Variants in LRP2 observed in about 807,000 individuals in gnomAD.
LRP2 encodes the protein low-density lipoprotein receptor-related protein 2.
In LRP2, 172 loss-of-function variants were observed where a neutral mutation model predicts 531.0. The ratio of observed to expected loss-of-function variants is 0.32; its 90% CI spans 0.29 to 0.37. LRP2 has a LOEUF of 0.37. LRP2 is among the 10% of genes least tolerant of loss of function. The pLI, the probability that LRP2 is intolerant of heterozygous loss-of-function variation, is 1.00. For synonymous variants in LRP2, 1,992 were observed against 2,027.6 expected (o/e 0.98, Z 0.47); for missense variants, 5,167 against 5,868.3 (o/e 0.88, Z 3.90).
At chr2:169,302,216 A>G (rs1478683120) in intron 4 of LRP2, among the ~76,000 whole-genome samples, 3 of 152,128 alleles carry the variant, frequency 2.0e-5, no homozygotes, top group African/African-American at 7.2e-5. Flanking sequence ...AGCAACTAAT[A>G]ACAGCTGTTA....
At chr2:169,214,798 T>C (rs1021376022) in intron 35 of LRP2, among the ~76,000 whole-genome samples, 1 of 152,132 alleles carries the variant, frequency 6.6e-6, no homozygotes. Flanking sequence ...GAAGAAAACA[T>C]GTCTCCAACA....
chr2:169,218,729 G>T (rs954327642), intron 34 of LRP2, among the ~76,000 whole-genome samples: 2 of 152,046 alleles, frequency 1.3e-5, no homozygotes, highest in East Asian at 1.9e-4. Flanking sequence ...CAGAAGTGGC[G>T]TGCACTACTT....
intron 1 of LRP2, among the ~76,000 whole-genome samples, chr2:169,323,887 A>G (rs1422424171): frequency 2.0e-5 from 3 of 151,854 alleles, no homozygotes; most frequent in Non-Finnish European, 4.4e-5. Context: ...GTAAAAACCA[A>G]GGAGGAAAGG....
intron 45 of LRP2, 61 bp downstream of exon 45, chr2:169,198,725 G>T (rs1688085993): frequency 3.8e-6 from 6 of 1,592,596 alleles, no homozygotes; most frequent in Non-Finnish European, 4.3e-6. Flanking sequence ...TCATATCTTT[G>T]TATTAGCTCA....
At chr2:169,154,697 T>C in intron 65 of LRP2, 94 bp from the exon 66 acceptor site, 2 of 1,117,774 alleles carry the variant, frequency 1.8e-6, no homozygotes, top group Non-Finnish European at 1.4e-6. Context: ...TGTCCCCTTT[T>C]TAAAGAACAT....
At chr2:169,339,973 G>A (rs1195696623) in intron 1 of LRP2, among the ~76,000 whole-genome samples, 1 of 152,006 alleles carries the variant, frequency 6.6e-6, no homozygotes, top group African/African-American at 2.4e-5. Flanking sequence ...CATCTATATG[G>A]TATGCATCTG....
chr2:169,158,059 TATAC>T (rs993577085), intron 63 of LRP2, among the ~76,000 whole-genome samples: 12 of 82,578 alleles, frequency 1.5e-4, no homozygotes, highest in East Asian at 5.2e-4. Context: ...CAATTGATTA[TATAC>T]ACACACACAC....
intron 44 of LRP2, 97 bp from the exon 45 acceptor site, chr2:169,199,008 C>CACT: frequency 1.5e-6 from 2 of 1,310,722 alleles, no homozygotes; most frequent in Admixed American, 1.9e-5. Flanking sequence ...GAACTCAAAC[C>CACT]ACTGGAAGGG....
At position 169,174,037 on chromosome 2, in the gene LRP2, G is replaced by A; in HGVS notation, c.10896C>T (p.Ser3632=). Residue 3632 remains serine, a synonymous_variant, in exon 56 of 79, where the codon AGC becomes AGT. Coordinates refer to ENST00000649046, the MANE Select transcript of LRP2 (RefSeq NM_004525.3). The part of the protein sequence containing the change: ...NSDEDSSHCA[S]RTCRPGQFRC... ...GAAACTGGCCCGGCCGGCAGGTCCT[G>A]CTGGCACAGTGGGAACTGTCTTCAT... The A allele has an allele frequency of 3.1e-6, 5 of 1,614,230 alleles. No homozygotes were observed. The highest frequency in any genetic ancestry group is 3.4e-6 in the Non-Finnish European group (4 of 1,180,046).
intron 56 of LRP2, 108 bp downstream of exon 56, chr2:169,173,811 C>T: frequency 6.8e-7 from 1 of 1,473,530 alleles, no homozygotes. Flanking sequence ...CAAGGGGGAG[C>T]ATCCCATCAG....
At chr2:169,132,967 A>T (rs1685348530) in intron 76 of LRP2, among the ~76,000 whole-genome samples, 1 of 152,130 alleles carries the variant, frequency 6.6e-6, no homozygotes, top group African/African-American at 2.4e-5. Flanking sequence ...TTTCTACTGT[A>T]TTCTCTATAC....
Position 169,352,034 on chromosome 2 carries a change from T to C in LRP2, c.79+10287A>G, listed in dbSNP as rs372831289. 1.7e-4 allele frequency among the ~76,000 whole-genome samples: 26 copies of C among 152,222 alleles called. No homozygotes were observed. In the East Asian group the frequency reaches 5.0e-3, roughly 29 times the overall value. ...AGTTGAGGCTGGGATACAAAGGAAA[T>C]GAGCCATGAAGTTTTTCAATACTTC... On this transcript the variant is annotated intron_variant, in intron 1 of 78. Transcript: ENST00000649046.
Position 169,146,170 on chromosome 2 carries a change from C to G in LRP2, c.12812-247G>C, listed in dbSNP as rs566355837. 2.1e-4 allele frequency among the ~76,000 whole-genome samples: 32 copies of G among 152,120 alleles called. 1 individual carries two copies. On this transcript the variant is annotated intron_variant, in intron 69 of 78. Transcript: ENST00000649046. ...ATACCACCCGACACCAATCACAGGGCCCTAGCTCACTTTCAAGTTACTGAT... is the reference window on the plus strand; with the variant it reads ...ATACCACCCGACACCAATCACAGGGGCCTAGCTCACTTTCAAGTTACTGAT...
intron 52 of LRP2, among the ~76,000 whole-genome samples, chr2:169,179,086 T>C (rs546463635): frequency 1.8e-4 from 27 of 152,210 alleles, no homozygotes; most frequent in African/African-American, 6.5e-4. Context: ...GTTGGCTCAC[T>C]GCAACCTCCT....
chr2:169,275,241 G>A lies in LRP2; in HGVS notation c.1773-3C>T, dbSNP rs752242118. 13 of 1,609,062 alleles carry A rather than the reference G, an allele frequency of 8.1e-6. No homozygotes were observed. In the South Asian group the frequency reaches 1.4e-4, roughly 18 times the overall value. On this transcript the variant is annotated splice_region_variant and splice_polypyrimidine_tract_variant and intron_variant, in intron 13 of 78. Coordinates refer to ENST00000649046, the MANE Select transcript of LRP2 (RefSeq NM_004525.3). ...AGCCTCCATGAACTACAGTCTTCCT[G>A]TTATAAAAGACACATATATATCATA...
At position 169,176,585 on chromosome 2, in the gene LRP2, C is replaced by T. The variant is rs1163441528; in HGVS notation, c.10397G>A (p.Ser3466Asn). 1 of 1,613,874 alleles carries T rather than the reference C, an allele frequency of 6.2e-7. No homozygotes were observed. Among genetic ancestry groups the T allele is most frequent in the Non-Finnish European group, 8.5e-7 (1 of 1,179,948 alleles). ...VYHPYRQPIV[S>N]NPCGTNNGGC... ...ACCATTGTTGGTACCACAGGGATTG[C>T]TCACTAGTGGAAAAGGAAGAAAATA... Residue 3466 changes from serine to asparagine, a missense_variant, in exon 54 of 79, where the codon AGC (serine) becomes AAC (asparagine). Physicochemically the swap from Ser to Asn is conservative, Grantham distance 46. Transcript: ENST00000649046.
rs753919563 is a variant in LRP2 at position 169,201,701 on chromosome 2, G to A, written c.8379C>T (p.Cys2793=). 2 of 1,614,152 alleles carry A rather than the reference G, an allele frequency of 1.2e-6. No homozygotes were observed. The highest frequency in any genetic ancestry group is 2.2e-5 in the South Asian group (2 of 91,088). Residue 2793 remains cysteine (C), a synonymous_variant, in exon 44 of 79, where the codon TGC becomes TGT. Coordinates refer to ENST00000649046, the MANE Select transcript of LRP2 (RefSeq NM_004525.3). Reference sequence around the variant, plus strand: ...CATTGCAGATAAACTCACGAGGTATGCACCTTCTGTTATTGCACATAAACT... The same window carrying A: ...CATTGCAGATAAACTCACGAGGTATACACCTTCTGTTATTGCACATAAACT... ...TTEFMCNNRR[C]IPREFICNGV...
chr2:169,200,258 TA>T (rs1288035339), intron 44 of LRP2, among the ~76,000 whole-genome samples: 3 of 152,044 alleles, frequency 2.0e-5, no homozygotes, highest in African/African-American at 7.2e-5. Context: ...CTCAAAAAAA[TA>T]AAAAAATTTT....
At chr2:169,178,623 T>G (rs1687306210) in intron 52 of LRP2, among the ~76,000 whole-genome samples, 1 of 152,182 alleles carries the variant, frequency 6.6e-6, no homozygotes, top group Admixed American at 6.5e-5. Flanking sequence ...GCGAATACTT[T>G]TACAGATGAA....
Sources: allele counts gnomAD v4.1 joint callset (sites outside exome capture counted in the v4.1 genomes callset), GRCh38; gene constraint gnomAD v4.1.1; transcripts MANE v1.5; gene names NCBI Gene and HGNC (gene_info 2026-07-23, HGNC 2026-07-21).